Variants in PTCHD4 observed in about 807,000 individuals in gnomAD.
PTCHD4 encodes the protein patched domain containing 4, also known as patched domain-containing protein 4.
A neutral mutation model predicts 58.1 loss-of-function variants in PTCHD4; 33 were observed. That is an observed-to-expected ratio of 0.57 (90% CI 0.43 to 0.76). The LOEUF is 0.76. Ranked by LOEUF, PTCHD4 falls within the 30% of genes least tolerant of loss-of-function variation. The pLI, the probability that PTCHD4 is intolerant of heterozygous loss-of-function variation, is 0.00. For missense variants in PTCHD4, 1,058 were observed against 1,027.1 expected (o/e 1.03, Z -0.41); for synonymous variants, 478 against 409.6 (o/e 1.17, Z -2.02).
intron 4 of PTCHD4, among the ~76,000 whole-genome samples, chr6:47,977,367 CTCT>C (rs1767730241): frequency 6.6e-6 from 1 of 152,200 alleles, no homozygotes; most frequent in Non-Finnish European, 1.5e-5. Flanking sequence ...CTTGTAAATT[CTCT>C]TGAGGGCTTT....
At chr6:48,056,171 G>C (rs1387783046) in intron 3 of PTCHD4, among the ~76,000 whole-genome samples, 1 of 152,120 alleles carries the variant, frequency 6.6e-6, no homozygotes, top group African/African-American at 2.4e-5. Context: ...AAATTATGTG[G>C]AGAAGGCTAT....
chr6:47,923,605 A>G (rs1765502049), intron 4 of PTCHD4, among the ~76,000 whole-genome samples: 1 of 152,112 alleles, frequency 6.6e-6, no homozygotes, highest in African/African-American at 2.4e-5. Flanking sequence ...TGTGCCCTTC[A>G]TTTGATTTCT....
At chr6:48,028,392 T>C (rs1164464199) in intron 3 of PTCHD4, among the ~76,000 whole-genome samples, 1 of 151,872 alleles carries the variant, frequency 6.6e-6, no homozygotes, top group Non-Finnish European at 1.5e-5. Flanking sequence ...AGGACAAAAA[T>C]TGAGTGGATA....
intron 4 of PTCHD4, chr6:47,901,811 T>C (rs1392968315): frequency 7.8e-7 from 1 of 1,281,154 alleles, no homozygotes; most frequent in Admixed American, 2.4e-5. Context: ...ATCCTAGGAG[T>C]CTTCACATAT....
chr6:47,974,107 G>A (rs923827339), intron 4 of PTCHD4, among the ~76,000 whole-genome samples: 8 of 152,144 alleles, frequency 5.3e-5, no homozygotes, highest in African/African-American at 1.7e-4. Flanking sequence ...AAGAAGACGG[G>A]AATGAGTACA....
chr6:48,070,119 GTGTT>G (rs958532659), intron 1 of PTCHD4, among the ~76,000 whole-genome samples, 193 bp from the exon 2 acceptor site: 12 of 129,592 alleles, frequency 9.3e-5, no homozygotes, highest in Non-Finnish European at 1.5e-4. Context: ...TAATAAGTGT[GTGTT>G]TGTGTGTGTG....
At chr6:48,087,636 C>T (rs1765288362) in intron 1 of PTCHD4, among the ~76,000 whole-genome samples, 1 of 152,128 alleles carries the variant, frequency 6.6e-6, no homozygotes, top group African/African-American at 2.4e-5. Context: ...AAATAACTTT[C>T]TTAAGGTCTC....
Position 47,873,628 on chromosome 6 carries a change from A to T in PTCHD4, c.*4675T>A, listed in dbSNP as rs1159810892. Reference sequence around the variant, plus strand: ...ATATCATTGTAGTTATTTTGTAGACAAAGTAGTAAAAAACTTGATTTTTCC... The same window carrying T: ...ATATCATTGTAGTTATTTTGTAGACTAAGTAGTAAAAAACTTGATTTTTCC... On this transcript the variant is annotated 3_prime_UTR_variant, in exon 5 of 5. Coordinates refer to ENST00000339488, the MANE Select transcript of PTCHD4 (RefSeq NM_001384253.1). 6.6e-6 allele frequency among the ~76,000 whole-genome samples: 1 copy of T among 151,672 alleles called. No individual in the cohort carries two copies. The highest frequency in any genetic ancestry group is 1.5e-5 in the Non-Finnish European group (1 of 67,764).
chr6:47,886,395 A>G (rs768577976), intron 4 of PTCHD4, among the ~76,000 whole-genome samples: 3 of 152,132 alleles, frequency 2.0e-5, no homozygotes, highest in Non-Finnish European at 4.4e-5. Context: ...CCTTCAGAAG[A>G]CATACTGGTG....
chr6:47,997,912 G>T (rs1357099972), intron 4 of PTCHD4, among the ~76,000 whole-genome samples: 1 of 152,172 alleles, frequency 6.6e-6, no homozygotes, highest in East Asian at 1.9e-4. Context: ...CACTAGGTAT[G>T]ATAATACTGG....
chr6:48,024,103 TTA>T (rs1763160398), intron 3 of PTCHD4, among the ~76,000 whole-genome samples: 1 of 152,202 alleles, frequency 6.6e-6, no homozygotes, highest in Non-Finnish European at 1.5e-5. Flanking sequence ...ATTATAAGAA[TTA>T]TGTTTGATGA....
At chr6:48,100,869 A>C (rs975506082) in intron 1 of PTCHD4, among the ~76,000 whole-genome samples, 4 of 152,202 alleles carry the variant, frequency 2.6e-5, no homozygotes, top group African/African-American at 9.6e-5. Flanking sequence ...CAAGAGAACA[A>C]CTTAGGTAAC....
chr6:48,104,540 C>T (rs976789354), intron 1 of PTCHD4, among the ~76,000 whole-genome samples: 6 of 152,126 alleles, frequency 3.9e-5, no homozygotes, highest in Non-Finnish European at 8.8e-5. Flanking sequence ...GAAACTGCAC[C>T]AACTAATGAG....
intron 4 of PTCHD4, among the ~76,000 whole-genome samples, chr6:47,898,299 A>G (rs1217281456): frequency 6.6e-6 from 1 of 152,090 alleles, no homozygotes; most frequent in Non-Finnish European, 1.5e-5. Flanking sequence ...ATTTTAAACT[A>G]TCATAATCCT....
chr6:47,950,720 G>A (rs952401626), intron 4 of PTCHD4, among the ~76,000 whole-genome samples: 69 of 152,248 alleles, frequency 4.5e-4, no homozygotes, highest in African/African-American at 1.5e-3. Context: ...TGTAAATGTG[G>A]GGGATGACGG....
At chr6:47,900,554 C>G (rs1764664081) in intron 4 of PTCHD4, 1 of 152,086 alleles carries the variant, frequency 6.6e-6, no homozygotes, top group Admixed American at 6.6e-5. Context: ...TATTTTCTCC[C>G]ATTCTGTGAG....
chr6:47,924,996 C>T lies in PTCHD4; in HGVS notation c.899-45060G>A, dbSNP rs965097410. 2.7e-5 allele frequency among the ~76,000 whole-genome samples: 4 copies of T among 148,616 alleles called. No individual in the cohort carries two copies. The South Asian group carries it at 8.4e-4, about 31-fold the overall frequency. ...TATACATTTTATATATATGTATATG[C>T]TTTTAATATATATGTATATATGCTT... is the stretch of plus-strand genomic sequence containing the variant. On this transcript the variant is annotated intron_variant, in intron 4 of 4. Transcript: ENST00000339488.
intron 1 of PTCHD4, among the ~76,000 whole-genome samples, chr6:48,098,307 A>G (rs1449275394): frequency 7.6e-6 from 1 of 131,662 alleles, no homozygotes; most frequent in Non-Finnish European, 1.7e-5. Flanking sequence ...AGTAACTGGA[A>G]TTTCTTTTCT....
chr6:47,917,651 A>T (rs571319912), intron 4 of PTCHD4, among the ~76,000 whole-genome samples: 57 of 152,286 alleles, frequency 3.7e-4, no homozygotes, highest in Non-Finnish European at 6.3e-4. Context: ...TCGCTGGAGA[A>T]AAAAGGTCTG....
Sources: gnomAD v4.1 joint callset for allele counts (sites outside exome capture counted in the v4.1 genomes callset) on GRCh38, gnomAD v4.1.1 for gene constraint, MANE v1.5 for transcripts, NCBI Gene and HGNC (gene_info 2026-07-23, HGNC 2026-07-21) for gene names.